Variants in ATG10 observed in about 807,000 individuals in gnomAD.
The protein encoded by ATG10 is ubiquitin-like-conjugating enzyme ATG10.
Under a neutral mutation model 32.1 loss-of-function variants are expected in ATG10, and 30 were observed. The ratio of observed to expected loss-of-function variants is 0.94; its 90% CI spans 0.70 to 1.27. The LOEUF (loss-of-function observed/expected upper bound fraction) is 1.27, where lower values mean the gene tolerates loss of function less well. Among genes scored for constraint, ATG10 ranks in the 50% most tolerant of loss-of-function variants. The pLI is 0.00. For missense variants in ATG10, 233 were observed against 262.3 expected, an observed-to-expected ratio of 0.89 and a Z score of 0.77; for synonymous variants, 87 against 91.5, an observed-to-expected ratio of 0.95 and a Z score of 0.28.
At chr5:82,185,301 A>G (rs1744405231) in intron 5 of ATG10, among the ~76,000 whole-genome samples, 1 of 152,162 alleles carries the variant, frequency 6.6e-6, no homozygotes, top group Non-Finnish European at 1.5e-5. Flanking sequence ...AAAACTTTGG[A>G]GGTTCTTTAT....
intron 3 of ATG10, among the ~76,000 whole-genome samples, chr5:82,067,571 C>T (rs1763978417): frequency 6.6e-6 from 1 of 152,076 alleles, no homozygotes; most frequent in African/African-American, 2.4e-5. Flanking sequence ...ACTTTAAGCC[C>T]TTGGTACCTG....
At chr5:82,006,377 T>C (rs1004332073) in intron 2 of ATG10, among the ~76,000 whole-genome samples, 4 of 152,178 alleles carry the variant, frequency 2.6e-5, no homozygotes, top group Non-Finnish European at 4.4e-5. Flanking sequence ...AATAGTATAA[T>C]GAATTCCCGC....
At chr5:82,098,826 A>G (rs539212896) in intron 3 of ATG10, among the ~76,000 whole-genome samples, 2 of 152,250 alleles carry the variant, frequency 1.3e-5, no homozygotes, top group African/African-American at 2.4e-5. Context: ...GTGATCCACA[A>G]CAAGTCAGCC....
intron 4 of ATG10, among the ~76,000 whole-genome samples, chr5:82,171,260 T>C (rs561067555): frequency 1.3e-5 from 2 of 152,348 alleles, no homozygotes; most frequent in South Asian, 4.1e-4. Flanking sequence ...ATTGCTCCTT[T>C]ATGTGCTATT....
intron 2 of ATG10, among the ~76,000 whole-genome samples, chr5:81,988,498 A>G (rs981026620): frequency 1.3e-5 from 2 of 151,582 alleles, no homozygotes; most frequent in African/African-American, 4.9e-5. Flanking sequence ...CAGTGGCGCA[A>G]TCTCGGCTCA....
At chr5:82,028,782 C>G (rs1488816187) in intron 2 of ATG10, among the ~76,000 whole-genome samples, 2 of 152,136 alleles carry the variant, frequency 1.3e-5, no homozygotes, top group African/African-American at 4.8e-5. Flanking sequence ...AAAGGTAGTT[C>G]TTGGCTTGAA....
chr5:82,187,625 C>T (rs1393621368), intron 5 of ATG10, among the ~76,000 whole-genome samples: 1 of 151,630 alleles, frequency 6.6e-6, no homozygotes, highest in African/African-American at 2.4e-5. Flanking sequence ...GTTGCCCAGG[C>T]TGGAGTGCAG....
At chr5:82,096,511 A>G (rs1203251206) in intron 3 of ATG10, among the ~76,000 whole-genome samples, 1 of 152,080 alleles carries the variant, frequency 6.6e-6, no homozygotes, top group African/African-American at 2.4e-5. Context: ...CCTTGGCTTC[A>G]CCTTCCATTA....
At chr5:82,110,782 T>C (rs1765594455) in intron 3 of ATG10, among the ~76,000 whole-genome samples, 1 of 152,128 alleles carries the variant, frequency 6.6e-6, no homozygotes. Context: ...TTTCTTTTGC[T>C]GTGCAGAAGC....
chr5:81,977,210 C>T (rs1008584052), intron 1 of ATG10, among the ~76,000 whole-genome samples: 2 of 152,128 alleles, frequency 1.3e-5, no homozygotes, highest in Non-Finnish European at 2.9e-5. Flanking sequence ...TATCTTTTAG[C>T]ACCTAGTAAA....
At chr5:82,021,135 A>G (rs1386680926) in intron 2 of ATG10, among the ~76,000 whole-genome samples, 1 of 152,174 alleles carries the variant, frequency 6.6e-6, no homozygotes, top group East Asian at 1.9e-4. Context: ...ATTCAAATAT[A>G]TATAATCTCC....
chr5:82,218,507 C>T (rs1745787734), intron 5 of ATG10, among the ~76,000 whole-genome samples: 1 of 152,086 alleles, frequency 6.6e-6, no homozygotes, highest in Non-Finnish European at 1.5e-5. Flanking sequence ...GAGATAGACC[C>T]ATCATCACTG....
intron 5 of ATG10, among the ~76,000 whole-genome samples, chr5:82,194,573 C>G (rs749581174): frequency 1.3e-5 from 2 of 152,060 alleles, no homozygotes; most frequent in Non-Finnish European, 2.9e-5. Context: ...GTCTTTTGAT[C>G]TTAACTGAGA....
Position 81,997,744 on chromosome 5 carries a change from T to G in ATG10, c.108+10066T>G, listed in dbSNP as rs564137968. 5.3e-5 allele frequency among the ~76,000 whole-genome samples: 8 copies of G among 152,240 alleles called. No homozygotes were observed. The East Asian group carries it at 1.2e-3, about 22-fold the overall frequency. On this transcript the variant is annotated intron_variant, in intron 2 of 7. Transcript: ENST00000282185. The stretch of plus-strand genomic sequence containing the variant: ...CACCTCAAGGATTTCAGAATACAAT[T>G]GTAAGTATTAACAGCAGAATCGACC...
At chr5:82,115,780 A>G (rs914178046) in intron 3 of ATG10, among the ~76,000 whole-genome samples, 2 of 152,110 alleles carry the variant, frequency 1.3e-5, no homozygotes, top group Admixed American at 1.3e-4. Context: ...GGCAAAGGGT[A>G]GGGTCTTTTA....
intron 3 of ATG10, among the ~76,000 whole-genome samples, chr5:82,070,105 A>G (rs969365053): frequency 1.3e-5 from 2 of 152,172 alleles, no homozygotes; most frequent in African/African-American, 2.4e-5. Context: ...TAGAGATTAC[A>G]TGTTTGTCTC....
chr5:82,199,813 C>G (rs1238342602), intron 5 of ATG10, among the ~76,000 whole-genome samples: 1 of 152,168 alleles, frequency 6.6e-6, no homozygotes, highest in African/African-American at 2.4e-5. Flanking sequence ...CCCTTGTAGC[C>G]AACCTTTTCT....
chr5:82,239,376 C>T (rs1391785688), intron 5 of ATG10, among the ~76,000 whole-genome samples: 1 of 152,036 alleles, frequency 6.6e-6, no homozygotes, highest in Non-Finnish European at 1.5e-5. Flanking sequence ...AACCTGGATG[C>T]TAAGATGAAA....
intron 5 of ATG10, among the ~76,000 whole-genome samples, chr5:82,181,190 A>G (rs1581777291): frequency 6.6e-6 from 1 of 152,274 alleles, no homozygotes; most frequent in Non-Finnish European, 1.5e-5. Context: ...TGATATAACC[A>G]CACTACAACA....
Sources: gnomAD v4.1 joint callset for allele counts (sites outside exome capture counted in the v4.1 genomes callset) on GRCh38, gnomAD v4.1.1 for gene constraint, MANE v1.5 for transcripts, NCBI Gene and HGNC (gene_info 2026-07-23, HGNC 2026-07-21) for gene names.